Variants in ME3 observed in about 807,000 individuals in gnomAD.
ME3 encodes malic enzyme 3.
A neutral mutation model predicts 68.9 loss-of-function variants in ME3; 48 were observed. That is an observed-to-expected ratio of 0.70 (90% CI 0.55 to 0.89). The LOEUF is 0.89. Ranked by LOEUF, ME3 falls within the 40% of genes least tolerant of loss-of-function variation. The pLI is 0.00. For synonymous variants in ME3, 320 were observed against 318.8 expected (o/e 1.00, Z -0.04); for missense variants, 675 against 797.4 (o/e 0.85, Z 1.85).
intron 14 of ME3, among the ~76,000 whole-genome samples, 178 bp downstream of exon 14, chr11:86,442,643 T>TG (rs1329232274): frequency 6.6e-6 from 1 of 151,822 alleles, no homozygotes; most frequent in Non-Finnish European, 1.5e-5. Context: ...GGTGGGTGTT[T>TG]GGGGTGGAGC....
At chr11:86,498,260 T>G in intron 5 of ME3, 136 bp from the exon 6 acceptor site, 2 of 1,046,324 alleles carry the variant, frequency 1.9e-6, no homozygotes, top group Non-Finnish European at 2.7e-6. Flanking sequence ...TTGTCTGGGA[T>G]AAGGCCGGAG....
intron 2 of ME3, among the ~76,000 whole-genome samples, chr11:86,629,934 C>T (rs1255396399): frequency 6.6e-6 from 1 of 152,104 alleles, no homozygotes; most frequent in Non-Finnish European, 1.5e-5. Context: ...TGCACCATGA[C>T]AATGAGGTGG....
chr11:86,510,854 C>G (rs1953466651), intron 4 of ME3, among the ~76,000 whole-genome samples: 1 of 152,206 alleles, frequency 6.6e-6, no homozygotes, highest in Non-Finnish European at 1.5e-5. Context: ...TGTACCAAAC[C>G]AAATTTATCA....
intron 4 of ME3, among the ~76,000 whole-genome samples, chr11:86,510,258 T>C (rs1542426): frequency 0.4 from 61,218 of 152,080 alleles, 12,484 homozygotes; most frequent in South Asian, 0.51. Context: ...CTAAGTGCAA[T>C]GAACACTCAT....
chr11:86,533,760 A>T (rs931909143), intron 4 of ME3, among the ~76,000 whole-genome samples: 2 of 152,204 alleles, frequency 1.3e-5, no homozygotes, highest in South Asian at 4.1e-4. Context: ...GTCACAGTGG[A>T]TGTATGTTTT....
intron 2 of ME3, among the ~76,000 whole-genome samples, chr11:86,618,091 G>T (rs1943091805): frequency 6.6e-6 from 1 of 151,948 alleles, no homozygotes; most frequent in African/African-American, 2.4e-5. Context: ...CTGAGTCCAG[G>T]AGTTCCAGAC....
At chr11:86,584,924 G>A (rs770756774) in intron 2 of ME3, among the ~76,000 whole-genome samples, 55 of 152,310 alleles carry the variant, frequency 3.6e-4, no homozygotes, top group Non-Finnish European at 3.4e-4. Flanking sequence ...AATGTGTTAA[G>A]AGGGTAGAGC....
rs903490092 is a variant in ME3, at chr11:86,594,370, T to C, written c.184-34547A>G. ...ACCTCATCATAAAATACAAGTACAT[T>C]GAAGAGACATTTAAGTTATCATCCA... On this transcript the variant is annotated intron_variant, in intron 2 of 14. Transcript: ENST00000543262. Among the ~76,000 whole-genome samples, 9 of 146,268 alleles carry C rather than the reference T, an allele frequency of 6.2e-5. 1 individual carries two copies. The highest frequency in any genetic ancestry group is 2.3e-4 in the African/African-American group (9 of 39,738).
At chr11:86,667,246 T>C (rs1304985338) in intron 2 of ME3, among the ~76,000 whole-genome samples, 2 of 152,022 alleles carry the variant, frequency 1.3e-5, no homozygotes, top group Admixed American at 6.5e-5. Flanking sequence ...GCTCAAGAGA[T>C]GAAAAAACTA....
chr11:86,491,301 C>T (rs182048478), intron 6 of ME3, among the ~76,000 whole-genome samples: 72 of 152,292 alleles, frequency 4.7e-4, no homozygotes, highest in Admixed American at 1.5e-3. Flanking sequence ...GACGAAGCAT[C>T]CTCTTCGTCC....
intron 4 of ME3, among the ~76,000 whole-genome samples, chr11:86,540,917 C>T (rs1467853148): frequency 6.6e-6 from 1 of 152,184 alleles, no homozygotes; most frequent in Non-Finnish European, 1.5e-5. Context: ...TGGGTGATTT[C>T]TGCATTTCCA....
intron 2 of ME3, among the ~76,000 whole-genome samples, chr11:86,567,235 A>AAGAAAGG: frequency 1.7e-5 from 1 of 58,070 alleles, no homozygotes; most frequent in African/African-American, 5.5e-5. Flanking sequence ...GAAAGAAAGA[A>AAGAAAGG]AAGAAAGAAA....
At chr11:86,640,855 G>A (rs964067604) in intron 2 of ME3, among the ~76,000 whole-genome samples, 8 of 152,216 alleles carry the variant, frequency 5.3e-5, no homozygotes, top group Admixed American at 2.6e-4. Context: ...ATATACACAG[G>A]AGACTTACCT....
chr11:86,560,347 C>T lies in ME3; in HGVS notation c.184-524G>A, dbSNP rs182107471. On this transcript the variant is annotated intron_variant, in intron 2 of 14. Transcript: ENST00000543262. ...GCCATGTAAGATGTGCCTGCTTCCC[C>T]TTCACCTTCTACTATGATTGTAAGT... 8.5e-5 allele frequency among the ~76,000 whole-genome samples: 13 copies of T among 152,274 alleles called. No homozygotes were observed. In the East Asian group the frequency reaches 2.3e-3, roughly 27 times the overall value.
intron 2 of ME3, among the ~76,000 whole-genome samples, chr11:86,583,400 G>A (rs575886646): frequency 2.1e-4 from 32 of 152,254 alleles, no homozygotes; most frequent in African/African-American, 6.5e-4. Flanking sequence ...TCATTCAAAC[G>A]AAAATGGTTA....
rs112012934 is a variant in ME3 at position 86,636,226 on chromosome 11, G to A, written c.183+35536C>T. On this transcript the variant is annotated intron_variant, in intron 2 of 14. Transcript: ENST00000543262. ...GGTTAAATCCTCTGTGAGAGCTTAG[G>A]GATGCCTATTACATTCTCTGAACCC... is the stretch of plus-strand genomic sequence containing the variant. Among the ~76,000 whole-genome samples, 943 of 149,328 alleles carry A rather than the reference G, an allele frequency of 6.3e-3. 6 individuals are homozygous for A. The highest frequency in any genetic ancestry group is 8.7e-3 in the Non-Finnish European group (578 of 66,698).
At chr11:86,487,719 G>A (rs1319883285) in intron 6 of ME3, among the ~76,000 whole-genome samples, 1 of 152,160 alleles carries the variant, frequency 6.6e-6, no homozygotes, top group African/African-American at 2.4e-5. Flanking sequence ...ACCTCTGTCT[G>A]CAGGCTTTAG....
At chr11:86,556,150 G>T (rs1956912676) in intron 4 of ME3, among the ~76,000 whole-genome samples, 1 of 152,174 alleles carries the variant, frequency 6.6e-6, no homozygotes, top group Non-Finnish European at 1.5e-5. Flanking sequence ...AACATCAAAA[G>T]AATTCAGTCT....
At chr11:86,663,335 A>C (rs1393384572) in intron 2 of ME3, among the ~76,000 whole-genome samples, 1 of 152,086 alleles carries the variant, frequency 6.6e-6, no homozygotes, top group Non-Finnish European at 1.5e-5. Context: ...TTTACTCTTT[A>C]CTGTGTCCTT....
Sources: gnomAD v4.1 joint callset for allele counts (sites outside exome capture counted in the v4.1 genomes callset) on GRCh38, gnomAD v4.1.1 for gene constraint, MANE v1.5 for transcripts, NCBI Gene and HGNC (gene_info 2026-07-23, HGNC 2026-07-21) for gene names.